The following HS6ST3 variants were observed in gnomAD, a reference collection of about 807,000 sequenced individuals.
HS6ST3 encodes the protein heparan-sulfate 6-O-sulfotransferase 3.
Under a neutral mutation model 36.7 loss-of-function variants are expected in HS6ST3, and 12 were observed. The observed-to-expected ratio is 0.33, with a 90% CI of 0.21 to 0.53. HS6ST3 has a LOEUF of 0.53. Among genes scored for constraint, HS6ST3 ranks in the 20% least tolerant of loss-of-function variants. The pLI is 0.95. For missense variants in HS6ST3, 584 were observed against 640.9 expected (o/e 0.91, Z 0.96); for synonymous variants, 240 against 257.5 (o/e 0.93, Z 0.65).
chr13:96,366,525 C>T (rs1202524008), intron 1 of HS6ST3, among the ~76,000 whole-genome samples: 2 of 152,074 alleles, frequency 1.3e-5, no homozygotes, highest in African/African-American at 4.8e-5. Context: ...GTTCAAGGCC[C>T]ATGCACAGAA....
intron 1 of HS6ST3, among the ~76,000 whole-genome samples, chr13:96,290,072 C>G (rs189628708): frequency 3.9e-5 from 6 of 152,220 alleles, no homozygotes; most frequent in East Asian, 1.9e-4. Context: ...AGCTAGCCCC[C>G]CTCTGTATCT....
chr13:96,399,105 G>A (rs965383720), intron 1 of HS6ST3, among the ~76,000 whole-genome samples: 42 of 152,330 alleles, frequency 2.8e-4, no homozygotes, highest in African/African-American at 1.0e-3. Flanking sequence ...GTGGTAATTA[G>A]CTATGCAGCA....
chr13:96,246,420 T>A (rs1452395620), intron 1 of HS6ST3, among the ~76,000 whole-genome samples: 1 of 152,202 alleles, frequency 6.6e-6, no homozygotes, highest in Non-Finnish European at 1.5e-5. Flanking sequence ...TCGAGGACAT[T>A]TGCAGTGGTT....
chr13:96,168,681 CAG>C (rs1215048707), intron 1 of HS6ST3, among the ~76,000 whole-genome samples: 3 of 115,886 alleles, frequency 2.6e-5, no homozygotes, highest in African/African-American at 1.0e-4. Flanking sequence ...AGCCTGGTGA[CAG>C]AGTGAGACCA....
intron 1 of HS6ST3, among the ~76,000 whole-genome samples, chr13:96,563,285 T>C (rs995872119): frequency 2.5e-4 from 38 of 152,150 alleles, no homozygotes; most frequent in African/African-American, 9.2e-4. Flanking sequence ...CTTAAGTATA[T>C]CATATCATAA....
intron 1 of HS6ST3, among the ~76,000 whole-genome samples, chr13:96,291,396 C>G (rs958140863): frequency 6.6e-6 from 1 of 152,112 alleles, no homozygotes; most frequent in African/African-American, 2.4e-5. Flanking sequence ...CTCTTGATTT[C>G]TCAACATGCC....
chr13:96,091,578 G>A lies in HS6ST3; in HGVS notation c.707+9G>A, dbSNP rs764231083. On this transcript the variant is annotated intron_variant, in intron 1 of 1. Transcript: ENST00000376705. Reference sequence around the variant, plus strand: ...AACCACAGCCACACCAGGTACTGTCGCCCGCTGGGTCTCTGTTCTTCCCCC... The same window carrying A: ...AACCACAGCCACACCAGGTACTGTCACCCGCTGGGTCTCTGTTCTTCCCCC... The A allele has an allele frequency of 6.4e-7, 1 of 1,556,890 alleles. No individual in the cohort carries two copies.
chr13:96,417,588 A>ATGTGTGTG (rs1378399011), intron 1 of HS6ST3, among the ~76,000 whole-genome samples: 277 of 79,998 alleles, frequency 3.5e-3, no homozygotes, highest in African/African-American at 0.013. Context: ...TAGCATATAT[A>ATGTGTGTG]TATGTGTGTG....
At chr13:96,784,690 C>G (rs928006664) in intron 1 of HS6ST3, among the ~76,000 whole-genome samples, 4 of 152,224 alleles carry the variant, frequency 2.6e-5, no homozygotes, top group African/African-American at 9.6e-5. Context: ...ATTGAACATG[C>G]AAACAAGACC....
chr13:96,520,784 A>G lies in HS6ST3; in HGVS notation c.708-311706A>G, dbSNP rs574691925. 9.2e-5 allele frequency among the ~76,000 whole-genome samples: 14 copies of G among 152,326 alleles called. 1 individual carries two copies. In the South Asian group the frequency reaches 2.5e-3, roughly 27 times the overall value. On this transcript the variant is annotated intron_variant, in intron 1 of 1. Coordinates refer to ENST00000376705, the MANE Select transcript of HS6ST3 (RefSeq NM_153456.4). ...GGTTTTCTAAATATACAATCATATCATCTGCAAACAGAAACAATTTGACTT... is the reference window on the plus strand; with the variant it reads ...GGTTTTCTAAATATACAATCATATCGTCTGCAAACAGAAACAATTTGACTT...
At chr13:96,690,938 A>C (rs533009447) in intron 1 of HS6ST3, among the ~76,000 whole-genome samples, 1 of 152,136 alleles carries the variant, frequency 6.6e-6, no homozygotes, top group Non-Finnish European at 1.5e-5. Context: ...GAAACATAAA[A>C]TGTCAAGTGT....
intron 1 of HS6ST3, among the ~76,000 whole-genome samples, chr13:96,367,373 G>C (rs1165232345): frequency 4.6e-5 from 7 of 152,032 alleles, no homozygotes; most frequent in Non-Finnish European, 8.8e-5. Context: ...AGGATAATAG[G>C]GTTCAAATTA....
At chr13:96,631,765 G>A (rs140396908) in intron 1 of HS6ST3, among the ~76,000 whole-genome samples, 290 of 152,244 alleles carry the variant, frequency 1.9e-3, no homozygotes, top group Non-Finnish European at 1.9e-3. Flanking sequence ...ATTTCAATTC[G>A]CTTTTGTAGG....
chr13:96,158,569 CCTG>C (rs1359671392), intron 1 of HS6ST3, among the ~76,000 whole-genome samples: 1 of 147,286 alleles, frequency 6.8e-6, no homozygotes, highest in Non-Finnish European at 1.5e-5. Flanking sequence ...AGGGGAATCA[CCTG>C]AACCCGGGAG....
At chr13:96,512,771 G>GT (rs1393095170) in intron 1 of HS6ST3, among the ~76,000 whole-genome samples, 4 of 151,826 alleles carry the variant, frequency 2.6e-5, no homozygotes, top group Non-Finnish European at 5.9e-5. Flanking sequence ...AATTCCAGTG[G>GT]TTTATCTGTT....
chr13:96,820,268 A>G (rs1236616790), intron 1 of HS6ST3, among the ~76,000 whole-genome samples: 2 of 152,118 alleles, frequency 1.3e-5, no homozygotes, highest in Non-Finnish European at 2.9e-5. Flanking sequence ...GACAAATAAA[A>G]ATTTGCTTTA....
chr13:96,567,430 TGGACA>T (rs1464363466), intron 1 of HS6ST3, among the ~76,000 whole-genome samples: 1 of 152,076 alleles, frequency 6.6e-6, no homozygotes. Context: ...TCAGCAACAT[TGGACA>T]CAAAAATAAT....
At chr13:96,592,066 G>T (rs1402793287) in intron 1 of HS6ST3, among the ~76,000 whole-genome samples, 1 of 152,030 alleles carries the variant, frequency 6.6e-6, no homozygotes, top group African/African-American at 2.4e-5. Flanking sequence ...CATGATGAAT[G>T]GTCTTTTTAA....
chr13:96,244,353 C>T (rs2054575048), intron 1 of HS6ST3, among the ~76,000 whole-genome samples: 1 of 152,080 alleles, frequency 6.6e-6, no homozygotes, highest in Admixed American at 6.6e-5. Context: ...AAACATATCG[C>T]ATCAAAACCA....
Sources: allele counts gnomAD v4.1 joint callset (sites outside exome capture counted in the v4.1 genomes callset), GRCh38; gene constraint gnomAD v4.1.1; transcripts MANE v1.5; gene names NCBI Gene and HGNC (gene_info 2026-07-23, HGNC 2026-07-21).